Variants in NMI observed in about 807,000 individuals in gnomAD.
NMI encodes the protein N-myc and STAT interactor.
NMI carries 39 observed loss-of-function variants against 34.3 expected under a neutral mutation model. The ratio of observed to expected loss-of-function variants is 1.14; its 90% CI spans 0.88 to 1.49. The LOEUF (loss-of-function observed/expected upper bound fraction) is 1.49. Ranked by LOEUF, NMI falls within the 40% of genes most tolerant of loss-of-function variation. NMI has a pLI of 0.00. For synonymous variants in NMI, 113 were observed against 120.3 expected (o/e 0.94, Z 0.40); for missense variants, 339 against 358.1 (o/e 0.95, Z 0.43).
In NMI at chr2:151,270,729, A is replaced by G. The variant is rs920002640; in HGVS notation, c.888T>C (p.Ser296=). ...GGGEVDVVKC[S]LGQPHIAYFE... ...AGTATGCTATGTGAGGTTGACCTAGAGAACACTTGACCACATCTACTTCTC... is the reference window on the plus strand; with the variant it reads ...AGTATGCTATGTGAGGTTGACCTAGGGAACACTTGACCACATCTACTTCTC... The change falls in exon 8 of 8, where the codon TCT becomes TCC. Residue 296 remains serine, a synonymous_variant. Transcript: ENST00000243346. 1 of 1,614,092 alleles carries G rather than the reference A, an allele frequency of 6.2e-7. No individual in the cohort carries two copies. The highest frequency in any genetic ancestry group is 8.5e-7 in the Non-Finnish European group (1 of 1,179,986).
In NMI at chr2:151,284,237, T is replaced by C. The variant is rs552842402; in HGVS notation, c.-6-1283A>G. On this transcript the variant is annotated intron_variant, in intron 1 of 7. Coordinates refer to ENST00000243346, the MANE Select transcript of NMI (RefSeq NM_004688.3). ...AGCTGGGCGTGGTGCCAGGTGCCTA[T>C]AATCCCAGTCATATTTCAATACAAT... Among the ~76,000 whole-genome samples the C allele has an allele frequency of 2.6e-5, 4 of 152,302 alleles. No homozygotes were observed. In the South Asian group the frequency reaches 8.3e-4, roughly 32 times the overall value.
intron 1 of NMI, chr2:151,289,051 G>C (rs1188568033): frequency 6.6e-6 from 1 of 152,024 alleles, no homozygotes; most frequent in Non-Finnish European, 1.5e-5. Flanking sequence ...TATCCATCCT[G>C]GTTAACACGG....
chr2:151,281,473 T>C (rs973799618), intron 3 of NMI, among the ~76,000 whole-genome samples: 4 of 152,178 alleles, frequency 2.6e-5, no homozygotes, highest in African/African-American at 9.7e-5. Context: ...TACAGCAAGA[T>C]GAAATTTTAC....
intron 1 of NMI, among the ~76,000 whole-genome samples, chr2:151,284,511 C>G (rs1478417028): frequency 6.6e-6 from 1 of 152,078 alleles, no homozygotes; most frequent in Admixed American, 6.5e-5. Flanking sequence ...GTTGCCTAGA[C>G]TGTCTCGAAC....
intron 1 of NMI, among the ~76,000 whole-genome samples, chr2:151,286,373 T>C (rs559901631): frequency 1.1e-3 from 166 of 152,288 alleles, no homozygotes; most frequent in African/African-American, 3.4e-3. Context: ...ATGTCCATAC[T>C]GAAGGAGACT....
At chr2:151,275,419 T>C in intron 6 of NMI, 65 bp downstream of exon 6, 1 of 1,416,558 alleles carries the variant, frequency 7.1e-7, no homozygotes, top group Non-Finnish European at 9.8e-7. Context: ...TAGGAATACT[T>C]TCAGAAACAA....
At chr2:151,280,882 G>A (rs577464658) in intron 3 of NMI, among the ~76,000 whole-genome samples, 9 of 150,776 alleles carry the variant, frequency 6.0e-5, no homozygotes, top group South Asian at 2.1e-4. Flanking sequence ...TCGCTCTGTC[G>A]CCCAGGCTGG....
intron 6 of NMI, 73 bp downstream of exon 6, chr2:151,275,411 G>A (rs1205914531): frequency 7.6e-7 from 1 of 1,316,180 alleles, no homozygotes; most frequent in Non-Finnish European, 1.1e-6. Flanking sequence ...AAGTAGAATA[G>A]GAATACTTTC....
intron 6 of NMI, among the ~76,000 whole-genome samples, chr2:151,272,302 T>C (rs566294956): frequency 6.6e-6 from 1 of 152,330 alleles, no homozygotes; most frequent in East Asian, 1.9e-4. Flanking sequence ...GGTGAAAGGA[T>C]GTGTGTCAAG....
At chr2:151,287,686 G>T (rs1683528718) in intron 1 of NMI, among the ~76,000 whole-genome samples, 1 of 151,920 alleles carries the variant, frequency 6.6e-6, no homozygotes, top group South Asian at 2.1e-4. Context: ...CCTTTGCGGC[G>T]CTTTAATTAC....
Position 151,270,691 on chromosome 2 carries a change from G to T in NMI, c.*2C>A. On this transcript the variant is annotated 3_prime_UTR_variant, in exon 8 of 8. Transcript: ENST00000243346. ...GCTATAGTTTTCATGATTCTGTTAA[G>T]TCTATTCTTCAAAGTATGCTATGTG... The T allele has an allele frequency of 6.2e-7, 1 of 1,607,660 alleles. No individual in the cohort carries two copies. Among genetic ancestry groups the T allele is most frequent in the Non-Finnish European group, 8.5e-7 (1 of 1,175,728 alleles).
intron 3 of NMI, among the ~76,000 whole-genome samples, chr2:151,280,922 G>A (rs556518808): frequency 3.2e-4 from 49 of 151,488 alleles, no homozygotes; most frequent in Admixed American, 8.6e-4. Flanking sequence ...AGCTCATCGC[G>A]ACCTCCGCCT....
At chr2:151,279,068 C>T (rs1683340819) in intron 3 of NMI, 78 bp from the exon 4 acceptor site, 5 of 956,002 alleles carry the variant, frequency 5.2e-6, no homozygotes, top group Non-Finnish European at 7.8e-6. Flanking sequence ...GTAATTTGGT[C>T]ATCCAATAAT....
intron 4 of NMI, 138 bp from the exon 5 acceptor site, chr2:151,276,002 C>A (rs1414855281): frequency 4.9e-6 from 3 of 615,262 alleles, no homozygotes; most frequent in Non-Finnish European, 8.3e-6. Context: ...ATTTGGCGGG[C>A]GGTGATTCCA....
rs530144789 is a variant in NMI at position 151,275,613 on chromosome 2, G to A, written c.505C>T (p.Arg169Cys). Residue 169 changes from arginine (R) to cysteine (C), a missense_variant, in exon 6 of 8, where the codon CGT becomes TGT. Arg to Cys is a radical substitution (Grantham distance 180). Coordinates refer to ENST00000243346, the MANE Select transcript of NMI (RefSeq NM_004688.3). ...INVTEIPDTL[R>C]EDQMRDKLEL... ...AGTTTGTCTCTCATTTGATCTTCAC[G>A]CAATGTGTCAGGAATTTCAGTAACA... 13 of 1,613,932 alleles carry A rather than the reference G, an allele frequency of 8.1e-6. No individual in the cohort carries two copies. The highest frequency in any genetic ancestry group is 2.2e-5 in the East Asian group (1 of 44,898).
rs765493924 is a variant in NMI, at chr2:151,278,955, G to T, written c.213C>A (p.Phe71Leu). ...CATTCTCAGGAGTTTCAACTGATAA[G>T]AATTTCATCTTTGTTTCAGGAATAT... Reference protein sequence around the residue: ...KEDIPETKMKFLSVETPENDS... With the variant: ...KEDIPETKMKLLSVETPENDS... Residue 71 changes from phenylalanine to leucine, a missense_variant, in exon 4 of 8, where the codon TTC becomes TTA. Transcript: ENST00000243346. The T allele has an allele frequency of 1.2e-6, 2 of 1,609,668 alleles. No homozygotes were observed. Among genetic ancestry groups the T allele is most frequent in the Admixed American group, 1.7e-5 (1 of 59,920 alleles).
chr2:151,274,771 C>T (rs570428015), intron 6 of NMI, among the ~76,000 whole-genome samples: 21 of 151,442 alleles, frequency 1.4e-4, no homozygotes, highest in Non-Finnish European at 2.7e-4. Context: ...CCACCGGGCC[C>T]GGCCGAAATG....
chr2:151,270,607 T>G lies in NMI; in HGVS notation c.*86A>C, dbSNP rs769448549. 17 of 1,138,646 alleles carry G rather than the reference T, an allele frequency of 1.5e-5. No individual in the cohort carries two copies. Among genetic ancestry groups the G allele is most frequent in the Non-Finnish European group, 2.1e-5 (17 of 802,718 alleles). 70.5% of individuals were successfully genotyped at this position (1,138,646 alleles called of 1,614,324 possible). ...TGGATGGTAAAAATTAAAGTTTTCA[T>G]TTTTTAAGGAAAAGCATATTCATTT... On this transcript the variant is annotated 3_prime_UTR_variant, in exon 8 of 8. Coordinates refer to ENST00000243346, the MANE Select transcript of NMI (RefSeq NM_004688.3).
At chr2:151,276,957 C>G (rs766954196) in intron 4 of NMI, among the ~76,000 whole-genome samples, 22 of 152,200 alleles carry the variant, frequency 1.4e-4, no homozygotes, top group Non-Finnish European at 5.9e-5. Flanking sequence ...CAAAAGGCAA[C>G]TCTATGTCAA....
Sources: gnomAD v4.1 joint callset for allele counts (sites outside exome capture counted in the v4.1 genomes callset) on GRCh38, gnomAD v4.1.1 for gene constraint, MANE v1.5 for transcripts, NCBI Gene and HGNC (gene_info 2026-07-23, HGNC 2026-07-21) for gene names.